The following CCDC171 variants were observed in gnomAD, a reference collection of about 807,000 sequenced individuals.
CCDC171 encodes the protein coiled-coil domain-containing protein 171.
Under a neutral mutation model 168.2 loss-of-function variants are expected in CCDC171, and 177 were observed. The observed-to-expected ratio is 1.05, with a 90% confidence interval of 0.93 to 1.19. CCDC171 has a LOEUF of 1.19. Among genes scored for constraint, CCDC171 ranks in the 50% most tolerant of loss-of-function variants. The probability of loss-of-function intolerance (pLI) is 0.00; values close to 1 mark genes in which losing one functional copy is unlikely to be tolerated. For missense variants in CCDC171, 1,991 were observed against 1,539.0 expected (o/e 1.29, Z -4.91); for synonymous variants, 687 against 540.8 (o/e 1.27, Z -3.75).
Position 15,723,600 on chromosome 9 carries a change from T to A in CCDC171, c.1426-81T>A, listed in dbSNP as rs1053507279. ...CATAAAAAGCACTTAAAGATTAACT[T>A]TTGAGTTACCCATCCTTGAAAAATG... On this transcript the variant is annotated intron_variant, in intron 12 of 25. Coordinates refer to ENST00000380701, the MANE Select transcript of CCDC171 (RefSeq NM_173550.4). The A allele has an allele frequency of 3.2e-6, 3 of 950,590 alleles. No individual in the cohort carries two copies. The African/African-American group carries it at 5.1e-5, about 16-fold the overall frequency. The allele number at this position is 950,590 out of a possible 1,614,324, so 58.9% of individuals were successfully genotyped here. A position where few individuals can be genotyped will look rare whatever the true frequency, so the allele number is the denominator to read the frequency against.
At chr9:15,555,704 TTTAAG>T (rs1297610969) in intron 1 of CCDC171, among the ~76,000 whole-genome samples, 1 of 152,196 alleles carries the variant, frequency 6.6e-6, no homozygotes, top group African/African-American at 2.4e-5. Flanking sequence ...ATTATTATAC[TTTAAG>T]TTATAGAGTA....
chr9:15,846,114 C>T (rs4741546), intron 21 of CCDC171, among the ~76,000 whole-genome samples: 49,443 of 151,880 alleles, frequency 0.33, 10,187 homozygotes, highest in East Asian at 0.65. Context: ...CTATCCTTGA[C>T]GTGAGAGTTA....
chr9:15,768,290 C>T (rs1176552732), intron 18 of CCDC171, among the ~76,000 whole-genome samples: 2 of 152,096 alleles, frequency 1.3e-5, no homozygotes, highest in African/African-American at 2.4e-5. Context: ...ATTGACATGA[C>T]CATCTGCCAA....
chr9:16,087,885 G>A, the CCDC171 span, among the ~76,000 whole-genome samples: 16 of 151,938 alleles, frequency 1.1e-4, no homozygotes, highest in African/African-American at 1.7e-4. Flanking sequence ...GGCTGGTCCC[G>A]GTGATGACAA....
chr9:16,107,787 A>G, the CCDC171 span, among the ~76,000 whole-genome samples: 4 of 152,188 alleles, frequency 2.6e-5, no homozygotes, highest in Non-Finnish European at 5.9e-5. Flanking sequence ...CATGGCCATA[A>G]GTTTCTCAAG....
chr9:15,807,855 C>T (rs186537184), intron 21 of CCDC171, among the ~76,000 whole-genome samples: 1 of 151,306 alleles, frequency 6.6e-6, no homozygotes, highest in Non-Finnish European at 1.5e-5. Flanking sequence ...TGCTTGGAAT[C>T]TTCCTTCTTG....
intron 7 of CCDC171, 93 bp downstream of exon 7, chr9:15,623,506 C>CACACACACA (rs768133705): frequency 1.5e-6 from 1 of 656,070 alleles, no homozygotes; most frequent in East Asian, 3.3e-5. Flanking sequence ...CACACACACA[C>CACACACACA]ATAAAACCCA....
At chr9:15,802,977 T>A (rs933209826) in intron 21 of CCDC171, among the ~76,000 whole-genome samples, 1 of 152,210 alleles carries the variant, frequency 6.6e-6, no homozygotes, top group Non-Finnish European at 1.5e-5. Flanking sequence ...TATCTCATTG[T>A]TGTTTTGATT....
chr9:15,707,939 C>G, intron 11 of CCDC171, among the ~76,000 whole-genome samples: 1 of 152,200 alleles, frequency 6.6e-6, no homozygotes, highest in East Asian at 1.9e-4. Context: ...CCTCCACCTC[C>G]TGGGTTTAAG....
intron 25 of CCDC171, among the ~76,000 whole-genome samples, chr9:15,924,336 G>A (rs764460699): frequency 5.3e-5 from 8 of 151,006 alleles, no homozygotes; most frequent in Non-Finnish European, 1.2e-4. Context: ...GCATGTCAGG[G>A]CTTTCATCTG....
intron 6 of CCDC171, among the ~76,000 whole-genome samples, chr9:15,598,667 A>G (rs372359779): frequency 5.9e-5 from 9 of 152,188 alleles, no homozygotes; most frequent in African/African-American, 9.6e-5. Context: ...TATTAGGTCC[A>G]CTTGGTGCAG....
At chr9:15,945,162 G>C (rs1828197631) in intron 25 of CCDC171, among the ~76,000 whole-genome samples, 1 of 150,196 alleles carries the variant, frequency 6.7e-6, no homozygotes, top group African/African-American at 2.4e-5. Flanking sequence ...AGTTTACTGA[G>C]AATGATGATT....
intron 24 of CCDC171, among the ~76,000 whole-genome samples, chr9:15,894,689 G>T (rs971771104): frequency 3.3e-5 from 5 of 151,952 alleles, no homozygotes; most frequent in Non-Finnish European, 5.9e-5. Context: ...TGTGCTTGGT[G>T]GTCCCTTTAC....
chr9:15,910,044 A>T (rs1415941895), intron 24 of CCDC171, among the ~76,000 whole-genome samples: 1 of 152,146 alleles, frequency 6.6e-6, no homozygotes, highest in Non-Finnish European at 1.5e-5. Context: ...ATAAGTGAGA[A>T]CATGCAGTAT....
chr9:16,073,859 A>G, the CCDC171 span, among the ~76,000 whole-genome samples: 1,530 of 152,264 alleles, frequency 0.01, 28 homozygotes, highest in African/African-American at 0.034. Flanking sequence ...TACCTGTCTG[A>G]GGTGAGGTAA....
At chr9:15,590,625 C>A (rs2041906373) in intron 4 of CCDC171, among the ~76,000 whole-genome samples, 1 of 152,136 alleles carries the variant, frequency 6.6e-6, no homozygotes, top group East Asian at 1.9e-4. Context: ...TGGTTTCCAG[C>A]CTCAGCTTTG....
chr9:15,849,375 G>T (rs1371519679), intron 23 of CCDC171, among the ~76,000 whole-genome samples: 1 of 150,896 alleles, frequency 6.6e-6, no homozygotes, highest in African/African-American at 2.4e-5. Flanking sequence ...TATAAACTAG[G>T]TAGTAATGTT....
intron 18 of CCDC171, among the ~76,000 whole-genome samples, chr9:15,755,421 A>G (rs905114193): frequency 2.6e-5 from 4 of 152,218 alleles, no homozygotes; most frequent in African/African-American, 9.6e-5. Context: ...ATTCACTCCT[A>G]GGAATGTATC....
chr9:15,803,160 A>G (rs2058909679), intron 21 of CCDC171, among the ~76,000 whole-genome samples: 2 of 151,882 alleles, frequency 1.3e-5, no homozygotes, highest in Non-Finnish European at 2.9e-5. Context: ...TGGATATTAG[A>G]CCTTTGTCAG....
Sources: allele counts gnomAD v4.1 joint callset (sites outside exome capture counted in the v4.1 genomes callset), GRCh38; gene constraint gnomAD v4.1.1; transcripts MANE v1.5; gene names NCBI Gene and HGNC (gene_info 2026-07-23, HGNC 2026-07-21).